ASIC2: variants seen among roughly 807,000 people sequenced by gnomAD.
The protein encoded by ASIC2 is acid sensing ion channel subunit 2, also known as acid-sensing ion channel 2.
A neutral mutation model predicts 57.3 loss-of-function variants in ASIC2; 25 were observed. The ratio of observed to expected loss-of-function variants is 0.44; its 90% CI spans 0.32 to 0.61. The LOEUF is 0.61. ASIC2 is among the 20% of genes least tolerant of loss of function. ASIC2 has a pLI of 0.06. For synonymous variants in ASIC2, 319 were observed against 307.5 expected, an observed-to-expected ratio of 1.04 and a Z score of -0.39; for missense variants, 641 against 738.1, an observed-to-expected ratio of 0.87 and a Z score of 1.52.
intron 3 of ASIC2, among the ~76,000 whole-genome samples, chr17:33,069,957 T>C (rs562346651): frequency 6.6e-6 from 1 of 152,310 alleles, no homozygotes; most frequent in Admixed American, 6.5e-5. Context: ...TAAATGAAGA[T>C]AAAATATTTT....
intron 2 of ASIC2, among the ~76,000 whole-genome samples, chr17:33,102,108 T>C (rs2092214270): frequency 6.6e-6 from 1 of 152,180 alleles, no homozygotes; most frequent in Non-Finnish European, 1.5e-5. Flanking sequence ...GAAATTCTCT[T>C]AGGCCAGATC....
intron 1 of ASIC2, among the ~76,000 whole-genome samples, chr17:33,148,059 A>G (rs1363170352): frequency 6.6e-6 from 1 of 152,242 alleles, no homozygotes; most frequent in African/African-American, 2.4e-5. Context: ...CTTTTCATTT[A>G]AGACAACAAA....
intron 1 of ASIC2, among the ~76,000 whole-genome samples, chr17:33,123,288 G>A (rs560525554): frequency 1.1e-4 from 17 of 152,252 alleles, no homozygotes; most frequent in Middle Eastern, 3.4e-3. Flanking sequence ...GTATAGATAC[G>A]CAATGAAATA....
chr17:33,532,710 T>G (rs939282988), intron 1 of ASIC2, among the ~76,000 whole-genome samples: 1 of 152,220 alleles, frequency 6.6e-6, no homozygotes, highest in Non-Finnish European at 1.5e-5. Flanking sequence ...ACCTGCATCA[T>G]CTTTTCACGA....
chr17:34,139,147 G>A (rs925589352), intron 1 of ASIC2, among the ~76,000 whole-genome samples: 2 of 152,240 alleles, frequency 1.3e-5, no homozygotes, highest in African/African-American at 4.8e-5. Flanking sequence ...ATGATTTGAA[G>A]ATGGGAGAGG....
chr17:33,504,221 T>C (rs1914182260), intron 1 of ASIC2, among the ~76,000 whole-genome samples: 1 of 152,376 alleles, frequency 6.6e-6, no homozygotes, highest in East Asian at 1.9e-4. Context: ...CATACTTGTA[T>C]GGTACTGCCC....
At chr17:33,555,204 C>A (rs1443276460) in intron 1 of ASIC2, among the ~76,000 whole-genome samples, 2 of 152,274 alleles carry the variant, frequency 1.3e-5, no homozygotes, top group East Asian at 3.9e-4. Flanking sequence ...TGAGTTATGC[C>A]TGTAGTGCCC....
At chr17:34,133,970 G>A (rs766407201) in intron 1 of ASIC2, among the ~76,000 whole-genome samples, 4 of 152,220 alleles carry the variant, frequency 2.6e-5, no homozygotes, top group Middle Eastern at 3.4e-3. Context: ...GAATCCTGTG[G>A]CTCAAATTGT....
chr17:33,339,561 T>A (rs781317283), intron 1 of ASIC2, among the ~76,000 whole-genome samples: 1 of 152,240 alleles, frequency 6.6e-6, no homozygotes, highest in African/African-American at 2.4e-5. Context: ...TGGCAATTTA[T>A]GCAAAGACTA....
intron 1 of ASIC2, among the ~76,000 whole-genome samples, chr17:33,331,356 C>T (rs1175222833): frequency 2.0e-5 from 3 of 152,144 alleles, no homozygotes; most frequent in African/African-American, 7.2e-5. Flanking sequence ...GAAACTAAGG[C>T]TCAAAGATGT....
chr17:33,319,955 A>T (rs536559154), intron 1 of ASIC2, among the ~76,000 whole-genome samples: 11 of 152,222 alleles, frequency 7.2e-5, no homozygotes, highest in Non-Finnish European at 1.5e-4. Flanking sequence ...GATTTGGGGG[A>T]AAAATCTTTG....
At chr17:33,729,880 C>G (rs1445567373) in intron 1 of ASIC2, among the ~76,000 whole-genome samples, 1 of 152,154 alleles carries the variant, frequency 6.6e-6, no homozygotes. Context: ...CCTAATTATT[C>G]AGCTGGTTCT....
intron 1 of ASIC2, among the ~76,000 whole-genome samples, chr17:33,171,206 A>C (rs1597614618): frequency 6.6e-6 from 1 of 152,222 alleles, no homozygotes; most frequent in Non-Finnish European, 1.5e-5. Context: ...CAGCCAGTAC[A>C]TATTAATATT....
intron 1 of ASIC2, among the ~76,000 whole-genome samples, chr17:33,474,987 C>A (rs1232270851): frequency 2.0e-5 from 3 of 152,146 alleles, no homozygotes; most frequent in Non-Finnish European, 2.9e-5. Flanking sequence ...AGGCTGTCCA[C>A]CTCCAATCCT....
chr17:33,062,274 T>C (rs1483299492), intron 3 of ASIC2, among the ~76,000 whole-genome samples: 1 of 152,216 alleles, frequency 6.6e-6, no homozygotes, highest in Non-Finnish European at 1.5e-5. Context: ...TTTTAGATCT[T>C]TCCTGCTTTC....
At chr17:33,567,702 T>C (rs547051802) in intron 1 of ASIC2, among the ~76,000 whole-genome samples, 1 of 152,146 alleles carries the variant, frequency 6.6e-6, no homozygotes, top group African/African-American at 2.4e-5. Context: ...GCCTGAGCAA[T>C]TGGGTACATG....
chr17:34,088,847 G>A (rs1467989297), intron 1 of ASIC2, among the ~76,000 whole-genome samples: 5 of 152,222 alleles, frequency 3.3e-5, no homozygotes, highest in East Asian at 1.9e-4. Context: ...AGCCACGTGC[G>A]GGATATAATC....
At chr17:33,610,522 T>TCTGAGTATTATG (rs1346233999) in intron 1 of ASIC2, among the ~76,000 whole-genome samples, 9 of 152,028 alleles carry the variant, frequency 5.9e-5, no homozygotes, top group Non-Finnish European at 8.8e-5. Flanking sequence ...TGAGTATTAT[T>TCTGAGTATTATG]TTTCTTTTTT....
Position 33,940,168 on chromosome 17 carries a change from G to T in ASIC2, c.555+215810C>A, listed in dbSNP as rs141644304. Among the ~76,000 whole-genome samples the T allele has an allele frequency of 1.8e-4, 28 of 152,310 alleles. 1 individual carries two copies. The East Asian group carries it at 3.7e-3, about 20-fold the overall frequency. ...ACTAGGCAGCGTGCCCAACTCCGAG[G>T]ATCATAAGGTTTCTATTCCACTTCC... On this transcript the variant is annotated intron_variant, in intron 1 of 9. Coordinates refer to the ASIC2 transcript ENST00000359872.
Sources: gnomAD v4.1 joint callset for allele counts (sites outside exome capture counted in the v4.1 genomes callset) on GRCh38, gnomAD v4.1.1 for gene constraint, MANE v1.5 for transcripts, NCBI Gene and HGNC (gene_info 2026-07-23, HGNC 2026-07-21) for gene names.